Variants in LEKR1 observed in about 807,000 individuals in gnomAD.
LEKR1 encodes leucine, glutamate and lysine rich 1, also known as protein LEKR1.
Under a neutral mutation model 72.4 loss-of-function variants are expected in LEKR1, and 59 were observed. The ratio of observed to expected loss-of-function variants is 0.82; its 90% CI spans 0.66 to 1.01. The LOEUF (loss-of-function observed/expected upper bound fraction) is 1.01, where lower values mean the gene tolerates loss of function less well. Among genes scored for constraint, LEKR1 ranks in the 50% least tolerant of loss-of-function variants. The pLI is 0.00. For missense variants in LEKR1, 728 were observed against 759.2 expected (o/e 0.96, Z 0.48); for synonymous variants, 257 against 263.2 (o/e 0.98, Z 0.23).
At chr3:156,980,674 T>A (rs1027478243) in intron 7 of LEKR1, among the ~76,000 whole-genome samples, 1 of 152,148 alleles carries the variant, frequency 6.6e-6, no homozygotes, top group Non-Finnish European at 1.5e-5. Flanking sequence ...AGCTACTGTG[T>A]GATGATTGCT....
intron 1 of LEKR1, among the ~76,000 whole-genome samples, chr3:156,827,433 C>CAAA (rs1383816790): frequency 1.3e-5 from 2 of 152,066 alleles, no homozygotes; most frequent in Non-Finnish European, 2.9e-5. Flanking sequence ...GTGGTTACCC[C>CAAA]AATTACCAGA....
chr3:156,850,797 A>T (rs1197467086), intron 2 of LEKR1, among the ~76,000 whole-genome samples: 1 of 151,992 alleles, frequency 6.6e-6, no homozygotes, highest in Non-Finnish European at 1.5e-5. Flanking sequence ...TCACATTGCC[A>T]AACATAGCAG....
At chr3:156,914,992 C>T (rs1723479082) in intron 3 of LEKR1, among the ~76,000 whole-genome samples, 2 of 152,128 alleles carry the variant, frequency 1.3e-5, no homozygotes, top group East Asian at 1.9e-4. Flanking sequence ...TCTTTGTGTC[C>T]ATCCATCCTC....
intron 12 of LEKR1, among the ~76,000 whole-genome samples, chr3:157,035,025 C>T (rs1313992120): frequency 6.6e-6 from 1 of 152,126 alleles, no homozygotes; most frequent in Non-Finnish European, 1.5e-5. Context: ...AGACCCTCCA[C>T]CAGCAGAAGA....
intron 5 of LEKR1, among the ~76,000 whole-genome samples, chr3:156,928,313 T>C (rs1724912155): frequency 6.6e-6 from 1 of 152,044 alleles, no homozygotes; most frequent in African/African-American, 2.4e-5. Flanking sequence ...AATAATAATG[T>C]TGATTCATCA....
intron 6 of LEKR1, among the ~76,000 whole-genome samples, chr3:156,957,595 A>G (rs752101070): frequency 2.8e-4 from 43 of 151,864 alleles, no homozygotes; most frequent in Non-Finnish European, 5.7e-4. Context: ...TATACTCATT[A>G]AGATTTTACC....
At chr3:157,020,143 C>T (rs1403175590) in intron 10 of LEKR1, among the ~76,000 whole-genome samples, 3 of 152,030 alleles carry the variant, frequency 2.0e-5, no homozygotes, top group Non-Finnish European at 4.4e-5. Context: ...CAAGATCTTG[C>T]TTTCTAACTC....
At chr3:156,847,750 A>G (rs1417654064) in intron 2 of LEKR1, among the ~76,000 whole-genome samples, 1 of 152,224 alleles carries the variant, frequency 6.6e-6, no homozygotes, top group African/African-American at 2.4e-5. Flanking sequence ...GTAAAGTCAG[A>G]AGACCACTCT....
At chr3:156,896,121 A>C (rs1721155480) in intron 3 of LEKR1, among the ~76,000 whole-genome samples, 1 of 152,178 alleles carries the variant, frequency 6.6e-6, no homozygotes, top group Non-Finnish European at 1.5e-5. Context: ...AAAACCAAGC[A>C]CCACGTGTTC....
At position 156,899,647 on chromosome 3, in the gene LEKR1, CATATATACACGCATATATACACAT is replaced by C. The variant is rs1560064800; in HGVS notation, c.264-20922_264-20899del. ...ACACATATATACACGCATATATACACATATATACACGCATATATACACATATATACACGCATATATACACATATA... is the reference window on the plus strand; with the variant it reads ...ACACATATATACACGCATATATACACATATACACGCATATATACACATATA... On this transcript the variant is annotated intron_variant, in intron 3 of 12. Transcript: ENST00000356539. Among the ~76,000 whole-genome samples, 30 of 124,028 alleles carry C rather than the reference CATATATACACGCATATATACACAT, an allele frequency of 2.4e-4. No individual in the cohort carries two copies. In the East Asian group the frequency reaches 5.1e-3, roughly 21 times the overall value. 81.4% of individuals were successfully genotyped at this position (124,028 alleles called of 152,430 possible). A position where few individuals can be genotyped will look rare whatever the true frequency, so the allele number is the denominator to read the frequency against.
intron 3 of LEKR1, among the ~76,000 whole-genome samples, chr3:156,877,081 A>C (rs1344262666): frequency 3.9e-5 from 6 of 152,130 alleles, no homozygotes; most frequent in Admixed American, 3.9e-4. Flanking sequence ...TGAGATGATC[A>C]TGATTTTTAA....
intron 12 of LEKR1, among the ~76,000 whole-genome samples, chr3:157,032,850 C>G (rs1734715026): frequency 1.3e-5 from 2 of 152,162 alleles, no homozygotes; most frequent in Admixed American, 1.3e-4. Flanking sequence ...GTGGCAACCC[C>G]TATGTCGAGA....
At chr3:156,899,305 CAT>C (rs1470300587) in intron 3 of LEKR1, among the ~76,000 whole-genome samples, 2 of 143,388 alleles carry the variant, frequency 1.4e-5, no homozygotes, top group Admixed American at 1.4e-4. Flanking sequence ...TACATATATA[CAT>C]ACACACATGT....
In LEKR1 at chr3:156,856,193, G is replaced by A. The variant is rs531849220; in HGVS notation, c.263+3211G>A. Among the ~76,000 whole-genome samples the A allele has an allele frequency of 3.3e-5, 5 of 152,174 alleles. No individual in the cohort carries two copies. The South Asian group carries it at 8.3e-4, about 25-fold the overall frequency. ...CATGTTTGTTGTTTCTCAGATGTCT[G>A]GCTGTTGGCCCAATATCACTTATTA... On this transcript the variant is annotated intron_variant, in intron 3 of 12. Coordinates refer to ENST00000356539, the MANE Select transcript of LEKR1 (RefSeq NM_001004316.3).
chr3:156,866,900 TA>T (rs1380500688), intron 3 of LEKR1, among the ~76,000 whole-genome samples: 2 of 152,084 alleles, frequency 1.3e-5, no homozygotes, highest in Non-Finnish European at 2.9e-5. Flanking sequence ...CTTCATATAG[TA>T]AATGCCCAAC....
intron 12 of LEKR1, among the ~76,000 whole-genome samples, chr3:157,037,653 G>A (rs1316869178): frequency 6.6e-6 from 1 of 152,138 alleles, no homozygotes; most frequent in Non-Finnish European, 1.5e-5. Context: ...GGCAAAATTA[G>A]CTATACACCT....
chr3:157,017,823 C>T (rs936283916), intron 10 of LEKR1: 1 of 151,820 alleles, frequency 6.6e-6, no homozygotes, highest in Non-Finnish European at 1.5e-5. Context: ...GTGGCAGGCA[C>T]CTGTAGTCCC....
chr3:157,045,355 G>A lies in LEKR1; in HGVS notation c.1684G>A (p.Glu562Lys), dbSNP rs1560168058. Residue 562 changes from glutamate (E) to lysine (K), a missense_variant, in exon 13 of 13, where the codon GAG (glutamate) becomes AAG (lysine). Coordinates refer to ENST00000356539, the MANE Select transcript of LEKR1 (RefSeq NM_001004316.3). ...CTCTTTTCAGAATACTTTTCTTCAG[G>A]AGACAGTGCGTAGAGAATGTGAAGA... ...QSQEENTFLQ[E>K]TVRRECEERF... 5 of 1,609,274 alleles carry A rather than the reference G, an allele frequency of 3.1e-6. No homozygotes were observed. The highest frequency in any genetic ancestry group is 1.6e-4 in the Middle Eastern group (1 of 6,068).
chr3:156,839,012 G>T (rs1052985553), intron 2 of LEKR1, among the ~76,000 whole-genome samples: 3 of 152,070 alleles, frequency 2.0e-5, no homozygotes, highest in Non-Finnish European at 4.4e-5. Flanking sequence ...AAACAAAAGT[G>T]CCCTATTCTG....
Sources: allele counts gnomAD v4.1 joint callset (sites outside exome capture counted in the v4.1 genomes callset), GRCh38; gene constraint gnomAD v4.1.1; transcripts MANE v1.5; gene names NCBI Gene and HGNC (gene_info 2026-07-23, HGNC 2026-07-21).